The following AFF3 variants were observed in gnomAD, a reference collection of about 807,000 sequenced individuals.
AFF3 encodes the protein ALF transcription elongation factor 3, also known as AF4/FMR2 family member 3.
In AFF3, 32 loss-of-function variants were observed where a neutral mutation model predicts 129.7. The observed-to-expected ratio is 0.25, with a 90% CI of 0.19 to 0.33. The LOEUF (loss-of-function observed/expected upper bound fraction) is 0.33, where lower values mean the gene tolerates loss of function less well. AFF3 is among the 10% of genes least tolerant of loss of function. The pLI is 1.00. For synonymous variants in AFF3, 644 were observed against 635.4 expected, an observed-to-expected ratio of 1.01 and a Z score of -0.20; for missense variants, 1,373 against 1,592.0, an observed-to-expected ratio of 0.86 and a Z score of 2.34.
chr2:99,787,252 G>A (rs1029683659), intron 8 of AFF3, among the ~76,000 whole-genome samples: 1 of 152,020 alleles, frequency 6.6e-6, no homozygotes, highest in South Asian at 2.1e-4. Context: ...CAAACCACCC[G>A]CAAACTCGAC....
chr2:99,920,953 A>G (rs146919664), intron 7 of AFF3, among the ~76,000 whole-genome samples: 4 of 152,240 alleles, frequency 2.6e-5, no homozygotes, highest in African/African-American at 4.8e-5. Flanking sequence ...CCAGCTTTTT[A>G]TACTAAAAAC....
At chr2:99,817,324 T>C (rs1199700045) in intron 8 of AFF3, among the ~76,000 whole-genome samples, 4 of 152,212 alleles carry the variant, frequency 2.6e-5, no homozygotes, top group African/African-American at 9.6e-5. Context: ...ATCTTCTTAC[T>C]GGCTCATACG....
chr2:99,587,964 C>G (rs1248754388), intron 15 of AFF3, among the ~76,000 whole-genome samples: 2 of 149,998 alleles, frequency 1.3e-5, no homozygotes, highest in African/African-American at 4.9e-5. Flanking sequence ...GAGCTGAGAT[C>G]ACGCCACTGC....
At chr2:99,684,614 A>T (rs1204826552) in intron 11 of AFF3, among the ~76,000 whole-genome samples, 2 of 143,596 alleles carry the variant, frequency 1.4e-5, no homozygotes, top group Non-Finnish European at 3.1e-5. Flanking sequence ...CCATGAATTC[A>T]TTTTTTTTTT....
intron 12 of AFF3, among the ~76,000 whole-genome samples, chr2:99,654,550 C>T (rs1685574585): frequency 2.0e-5 from 3 of 152,106 alleles, no homozygotes; most frequent in South Asian, 4.1e-4. Flanking sequence ...GATGAATTGC[C>T]CAATTTCATT....
Position 99,884,823 on chromosome 2 carries a change from T to G in AFF3, c.874-47299A>C, listed in dbSNP as rs1395964594. Among the ~76,000 whole-genome samples, 3 of 152,192 alleles carry G rather than the reference T, an allele frequency of 2.0e-5. No individual in the cohort carries two copies. The East Asian group carries it at 5.8e-4, about 29-fold the overall frequency. On this transcript the variant is annotated intron_variant, in intron 7 of 24. Coordinates refer to ENST00000672756, the MANE Select transcript of AFF3 (RefSeq NM_001386135.1). The stretch of plus-strand genomic sequence containing the variant: ...TAGCCAGCTCCCAGAGGAGACACAT[T>G]CTGGTGAGGGGGTGGCTGGGTTCAC...
At chr2:99,983,893 T>A (rs538002603) in intron 7 of AFF3, among the ~76,000 whole-genome samples, 1 of 152,234 alleles carries the variant, frequency 6.6e-6, no homozygotes, top group South Asian at 2.1e-4. Context: ...TAGTTTTAAT[T>A]TCATTCATTT....
intron 7 of AFF3, among the ~76,000 whole-genome samples, chr2:99,846,312 T>C (rs1689719363): frequency 2.0e-5 from 3 of 152,050 alleles, no homozygotes; most frequent in Admixed American, 6.5e-5. Flanking sequence ...GTATTTTTAG[T>C]AGAGACAAGG....
intron 8 of AFF3, among the ~76,000 whole-genome samples, chr2:99,802,755 G>A (rs1401641454): frequency 6.9e-6 from 1 of 144,790 alleles, no homozygotes; most frequent in Non-Finnish European, 1.5e-5. Context: ...TTGACTCTCA[G>A]CTTGGTCACT....
chr2:99,690,543 G>A (rs1246038435), intron 11 of AFF3, among the ~76,000 whole-genome samples: 1 of 152,140 alleles, frequency 6.6e-6, no homozygotes, highest in Non-Finnish European at 1.5e-5. Flanking sequence ...TGGTTGGGCA[G>A]ATTTGTCTAT....
intron 4 of AFF3, among the ~76,000 whole-genome samples, chr2:100,092,951 T>C (rs1465955389): frequency 6.6e-6 from 1 of 151,744 alleles, no homozygotes; most frequent in African/African-American, 2.4e-5. Flanking sequence ...AGAAATGTGG[T>C]CTCTTCACTT....
At chr2:100,037,793 T>C (rs1356873329) in intron 4 of AFF3, among the ~76,000 whole-genome samples, 1 of 135,958 alleles carries the variant, frequency 7.4e-6, no homozygotes, top group African/African-American at 2.7e-5. Flanking sequence ...ATATATTATA[T>C]AAAAATATAT....
At chr2:99,764,125 C>A (rs1232859086) in intron 8 of AFF3, among the ~76,000 whole-genome samples, 1 of 152,232 alleles carries the variant, frequency 6.6e-6, no homozygotes, top group Non-Finnish European at 1.5e-5. Context: ...CAGACCTGTG[C>A]ATCCCACTTG....
rs559656475 is a variant in AFF3 at position 99,825,684 on chromosome 2, A to G, written c.921+11793T>C. On this transcript the variant is annotated intron_variant, in intron 8 of 24. Coordinates refer to ENST00000672756, the MANE Select transcript of AFF3 (RefSeq NM_001386135.1). ...CATTACCTATCAAAATGAAAGGCTTAGTCTCATGAAAGATACTCAGGATAA... is the reference window on the plus strand; with the variant it reads ...CATTACCTATCAAAATGAAAGGCTTGGTCTCATGAAAGATACTCAGGATAA... 2.0e-4 allele frequency among the ~76,000 whole-genome samples: 31 copies of G among 152,340 alleles called. No individual in the cohort carries two copies. In the East Asian group the frequency reaches 6.0e-3, roughly 29 times the overall value.
intron 8 of AFF3, among the ~76,000 whole-genome samples, chr2:99,793,654 G>A (rs899007908): frequency 1.3e-5 from 2 of 151,906 alleles, no homozygotes; most frequent in African/African-American, 2.4e-5. Context: ...TTAATCATTC[G>A]CGTTTTCTCT....
intron 4 of AFF3, among the ~76,000 whole-genome samples, chr2:100,020,216 C>T (rs1261890880): frequency 1.3e-5 from 2 of 152,106 alleles, no homozygotes; most frequent in Admixed American, 1.3e-4. Flanking sequence ...CTAGCACTGC[C>T]CTTCAGAGGT....
At chr2:99,649,508 A>T in intron 13 of AFF3, 118 bp downstream of exon 13, 2 of 1,137,324 alleles carry the variant, frequency 1.8e-6, no homozygotes, top group Non-Finnish European at 1.3e-6. Flanking sequence ...CAAAATGTTT[A>T]ACATCCCAGT....
intron 19 of AFF3, among the ~76,000 whole-genome samples, chr2:99,566,215 T>C (rs1423236919): frequency 6.6e-6 from 1 of 152,032 alleles, no homozygotes; most frequent in African/African-American, 2.4e-5. Context: ...TAGCTGGAAT[T>C]ACAGGCAGGC....
At chr2:99,575,510 C>T (rs1468162376) in intron 18 of AFF3, among the ~76,000 whole-genome samples, 1 of 151,424 alleles carries the variant, frequency 6.6e-6, no homozygotes, top group Non-Finnish European at 1.5e-5. Flanking sequence ...ATCCACCCAC[C>T]TCGGCTCCCC....
Sources: allele counts gnomAD v4.1 joint callset (sites outside exome capture counted in the v4.1 genomes callset), GRCh38; gene constraint gnomAD v4.1.1; transcripts MANE v1.5; gene names NCBI Gene and HGNC (gene_info 2026-07-23, HGNC 2026-07-21).